The following TSHZ2 variants were observed in gnomAD, a reference collection of about 807,000 sequenced individuals.
TSHZ2 encodes the protein teashirt zinc finger homeobox 2.
Under a neutral mutation model 74.4 loss-of-function variants are expected in TSHZ2, and 21 were observed. That is an observed-to-expected ratio of 0.28 (90% CI 0.20 to 0.41). The LOEUF (loss-of-function observed/expected upper bound fraction) is 0.41. Among genes scored for constraint, TSHZ2 ranks in the 10% least tolerant of loss-of-function variants. The probability of loss-of-function intolerance (pLI) is 1.00; values close to 1 mark genes in which losing one functional copy is unlikely to be tolerated. For synonymous variants in TSHZ2, 540 were observed against 515.3 expected (o/e 1.05, Z -0.65); for missense variants, 1,244 against 1,293.5 (o/e 0.96, Z 0.59).
chr20:53,454,051 C>T (rs1984940125), intron 2 of TSHZ2, among the ~76,000 whole-genome samples: 1 of 152,158 alleles, frequency 6.6e-6, no homozygotes. Flanking sequence ...CTAAATTCTG[C>T]TTACAATGTC....
intron 1 of TSHZ2, among the ~76,000 whole-genome samples, chr20:53,029,518 A>T (rs1202828373): frequency 1.3e-5 from 2 of 152,192 alleles, no homozygotes; most frequent in Non-Finnish European, 2.9e-5. Flanking sequence ...TCAACTAAAA[A>T]TACAACAATT....
intron 1 of TSHZ2, among the ~76,000 whole-genome samples, chr20:53,211,065 T>A (rs141252691): frequency 3.0e-3 from 455 of 152,332 alleles, no homozygotes; most frequent in African/African-American, 0.01. Flanking sequence ...GCAGCAGTTG[T>A]ATTAGTAGGT....
At chr20:53,150,952 G>A (rs1292791920) in intron 1 of TSHZ2, among the ~76,000 whole-genome samples, 1 of 152,168 alleles carries the variant, frequency 6.6e-6, no homozygotes, top group Non-Finnish European at 1.5e-5. Context: ...TGCTTGGAGA[G>A]ACAAATTAGC....
At chr20:53,022,325 G>A (rs1273886832) in intron 1 of TSHZ2, among the ~76,000 whole-genome samples, 1 of 152,154 alleles carries the variant, frequency 6.6e-6, no homozygotes, top group African/African-American at 2.4e-5. Flanking sequence ...GGATTTATCT[G>A]TCTTTTAGGG....
At chr20:53,055,288 CTCAAGCTTAGCTCTTGATT>C (rs1165721997) in intron 1 of TSHZ2, among the ~76,000 whole-genome samples, 3 of 152,148 alleles carry the variant, frequency 2.0e-5, no homozygotes, top group African/African-American at 7.2e-5. Flanking sequence ...TTGGGTTTCC[CTCAAGCTTAGCTCTTGATT>C]AAATGAGTCC....
chr20:53,251,535 T>C (rs1357542547), intron 1 of TSHZ2, among the ~76,000 whole-genome samples: 4 of 152,202 alleles, frequency 2.6e-5, no homozygotes, highest in Non-Finnish European at 5.9e-5. Flanking sequence ...TAATGGTTTT[T>C]TGACTAGATT....
chr20:53,440,784 C>T (rs1288099767), intron 2 of TSHZ2, among the ~76,000 whole-genome samples: 2 of 152,196 alleles, frequency 1.3e-5, no homozygotes, highest in Middle Eastern at 3.2e-3. Flanking sequence ...AGTATGCAAA[C>T]ACTTTCTTAG....
At chr20:53,286,622 C>A (rs557522556) in intron 2 of TSHZ2, among the ~76,000 whole-genome samples, 2 of 152,252 alleles carry the variant, frequency 1.3e-5, no homozygotes, top group East Asian at 1.9e-4. Flanking sequence ...CAGTAGCTCA[C>A]ACCTGTAATC....
At chr20:53,484,269 T>C (rs1055656858) in intron 2 of TSHZ2, among the ~76,000 whole-genome samples, 3 of 152,130 alleles carry the variant, frequency 2.0e-5, no homozygotes, top group Admixed American at 6.6e-5. Context: ...CTAGGTAGGG[T>C]GGTGCCTGTC....
chr20:53,231,383 T>C (rs766872384), intron 1 of TSHZ2, among the ~76,000 whole-genome samples: 1 of 152,208 alleles, frequency 6.6e-6, no homozygotes, highest in Non-Finnish European at 1.5e-5. Flanking sequence ...AATAGATGAA[T>C]TGGAATATTG....
At chr20:53,128,288 C>T (rs1987003342) in intron 1 of TSHZ2, among the ~76,000 whole-genome samples, 1 of 152,202 alleles carries the variant, frequency 6.6e-6, no homozygotes, top group Admixed American at 6.5e-5. Context: ...GCCATGTGGA[C>T]TGTTAGAAAA....
intron 1 of TSHZ2, among the ~76,000 whole-genome samples, chr20:53,182,183 TTTTC>T (rs1377349183): frequency 8.2e-5 from 12 of 146,548 alleles, no homozygotes; most frequent in African/African-American, 2.8e-4. Context: ...TCTTCCTTCC[TTTTC>T]TTTCTTTCTT....
At chr20:52,997,153 A>C (rs1393991604) in intron 1 of TSHZ2, among the ~76,000 whole-genome samples, 1 of 152,140 alleles carries the variant, frequency 6.6e-6, no homozygotes, top group Non-Finnish European at 1.5e-5. Flanking sequence ...GATGCAGCAA[A>C]GGCATAGTGC....
At chr20:53,396,758 G>A (rs545183589) in intron 2 of TSHZ2, among the ~76,000 whole-genome samples, 1 of 150,832 alleles carries the variant, frequency 6.6e-6, no homozygotes, top group East Asian at 2.0e-4. Context: ...GAGGTGAGCG[G>A]ATCACTTGAG....
At chr20:53,216,315 A>C (rs1989432930) in intron 1 of TSHZ2, among the ~76,000 whole-genome samples, 1 of 152,084 alleles carries the variant, frequency 6.6e-6, no homozygotes, top group Non-Finnish European at 1.5e-5. Flanking sequence ...TAAGCATTTC[A>C]GTTCCTGATG....
chr20:53,385,133 T>G (rs1981998200), intron 2 of TSHZ2, among the ~76,000 whole-genome samples: 1 of 151,812 alleles, frequency 6.6e-6, no homozygotes, highest in South Asian at 2.1e-4. Context: ...AAATAAAAAT[T>G]AAAAAATGAA....
chr20:53,295,974 C>T (rs909423437), intron 2 of TSHZ2, among the ~76,000 whole-genome samples: 2 of 151,028 alleles, frequency 1.3e-5, no homozygotes, highest in Non-Finnish European at 2.9e-5. Flanking sequence ...ATGTTCTGCA[C>T]CTCATGCTTT....
At chr20:53,390,438 G>A (rs1568896728) in intron 2 of TSHZ2, among the ~76,000 whole-genome samples, 1 of 152,256 alleles carries the variant, frequency 6.6e-6, no homozygotes, top group Non-Finnish European at 1.5e-5. Flanking sequence ...GAAGGAAGAA[G>A]AGAGGATAAG....
chr20:53,124,765 A>G (rs1031094355), intron 1 of TSHZ2, among the ~76,000 whole-genome samples: 9 of 152,216 alleles, frequency 5.9e-5, no homozygotes, highest in Non-Finnish European at 1.2e-4. Flanking sequence ...ACCTGAAGAC[A>G]TGGAGATTTA....
Sources: gnomAD v4.1 joint callset for allele counts (sites outside exome capture counted in the v4.1 genomes callset) on GRCh38, gnomAD v4.1.1 for gene constraint, MANE v1.5 for transcripts, NCBI Gene and HGNC (gene_info 2026-07-23, HGNC 2026-07-21) for gene names.